Variants in AP3S1 observed in about 807,000 individuals in gnomAD.
AP3S1 encodes AP-3 complex subunit sigma-1.
A neutral mutation model predicts 21.3 loss-of-function variants in AP3S1; 12 were observed. The ratio of observed to expected loss-of-function variants is 0.56; its 90% CI spans 0.36 to 0.91. AP3S1 has a LOEUF of 0.91. Ranked by LOEUF, AP3S1 falls within the 40% of genes least tolerant of loss-of-function variation. The pLI is 0.01. For missense variants in AP3S1, 116 were observed against 225.0 expected (o/e 0.52, Z 3.10); for synonymous variants, 48 against 78.4 (o/e 0.61, Z 2.05).
At chr5:115,866,084 C>T (rs995541697) in intron 1 of AP3S1, among the ~76,000 whole-genome samples, 1 of 152,236 alleles carries the variant, frequency 6.6e-6, no homozygotes, top group Admixed American at 6.5e-5. Context: ...GCATGAGCCA[C>T]TGTGCCCGGC....
intron 1 of AP3S1, among the ~76,000 whole-genome samples, chr5:115,866,212 T>A (rs1763603932): frequency 6.6e-6 from 1 of 152,262 alleles, no homozygotes. Flanking sequence ...GATGGACTCT[T>A]ACCTCAGTCT....
intron 5 of AP3S1, among the ~76,000 whole-genome samples, chr5:115,905,309 T>C (rs1043915355): frequency 6.6e-6 from 1 of 152,222 alleles, no homozygotes; most frequent in Non-Finnish European, 1.5e-5. Context: ...GAAATAGTTA[T>C]AAGAATACTA....
chr5:115,868,653 G>A (rs252737), intron 2 of AP3S1, among the ~76,000 whole-genome samples: 37 of 152,060 alleles, frequency 2.4e-4, no homozygotes, highest in Non-Finnish European at 3.5e-4. Flanking sequence ...AGGCCTAGGC[G>A]TGCAGATCTC....
At chr5:115,877,076 A>G (rs1748786324) in intron 3 of AP3S1, among the ~76,000 whole-genome samples, 1 of 152,148 alleles carries the variant, frequency 6.6e-6, no homozygotes, top group Admixed American at 6.6e-5. Context: ...GATCATTCTT[A>G]CCTAAAAGAA....
At chr5:115,847,280 C>T (rs1176888729) in intron 1 of AP3S1, among the ~76,000 whole-genome samples, 3 of 152,124 alleles carry the variant, frequency 2.0e-5, no homozygotes, top group African/African-American at 7.2e-5. Context: ...GGTGGGTAGG[C>T]AAACAAGGGT....
intron 1 of AP3S1, among the ~76,000 whole-genome samples, chr5:115,845,269 C>T (rs1436311485): frequency 1.3e-5 from 2 of 152,166 alleles, no homozygotes; most frequent in African/African-American, 2.4e-5. Flanking sequence ...CAACAGTAAT[C>T]GTTTAACACT....
chr5:115,869,974 C>T lies in AP3S1; in HGVS notation c.162-43C>T, dbSNP rs375366698. ...TTTGCTTGAGCTAATGAAAATGATT[C>T]GCATTTTGTTTCCAATAACATTACA... On this transcript the variant is annotated intron_variant, in intron 2 of 5. Coordinates refer to ENST00000316788, the MANE Select transcript of AP3S1 (RefSeq NM_001284.4). The T allele has an allele frequency of 7.9e-4, 976 of 1,234,976 alleles. 10 individuals carry two copies. In the South Asian group the frequency reaches 1.0e-2, roughly 13 times the overall value. The allele number at this position is 1,234,976 out of a possible 1,614,324, so 76.5% of individuals were successfully genotyped here. A position where few individuals can be genotyped will look rare whatever the true frequency, so the allele number is the denominator to read the frequency against.
At chr5:115,851,949 A>G (rs1448036973) in intron 1 of AP3S1, among the ~76,000 whole-genome samples, 1 of 152,050 alleles carries the variant, frequency 6.6e-6, no homozygotes. Flanking sequence ...TAACCAATCA[A>G]TGTGGACTTC....
intron 1 of AP3S1, among the ~76,000 whole-genome samples, chr5:115,866,291 A>T (rs1763612769): frequency 6.6e-6 from 1 of 152,216 alleles, no homozygotes; most frequent in Non-Finnish European, 1.5e-5. Context: ...TCAAATATAG[A>T]TTAGCTACAC....
At chr5:115,892,569 C>T (rs1398593220) in intron 3 of AP3S1, among the ~76,000 whole-genome samples, 1 of 152,168 alleles carries the variant, frequency 6.6e-6, no homozygotes, top group African/African-American at 2.4e-5. Flanking sequence ...AGACAAACAT[C>T]ATATGTTCTC....
At chr5:115,863,595 T>G (rs1419294023) in intron 1 of AP3S1, among the ~76,000 whole-genome samples, 1 of 151,714 alleles carries the variant, frequency 6.6e-6, no homozygotes, top group Non-Finnish European at 1.5e-5. Flanking sequence ...AAAAAGAAAA[T>G]TCATGAATCT....
intron 3 of AP3S1, among the ~76,000 whole-genome samples, chr5:115,889,421 C>T (rs1424586339): frequency 6.6e-6 from 1 of 152,128 alleles, no homozygotes; most frequent in Non-Finnish European, 1.5e-5. Context: ...AAATTTGGTC[C>T]AAACATGAAG....
At chr5:115,862,473 G>GACGTGGTGCTATTCTCAGT (rs1306606044) in intron 1 of AP3S1, among the ~76,000 whole-genome samples, 1 of 152,128 alleles carries the variant, frequency 6.6e-6, no homozygotes, top group East Asian at 1.9e-4. Context: ...GTAGAGACTG[G>GACGTGGTGCTATTCTCAGT]ACGTGGTGCT....
At chr5:115,866,074 G>A (rs774568181) in intron 1 of AP3S1, among the ~76,000 whole-genome samples, 1 of 152,192 alleles carries the variant, frequency 6.6e-6, no homozygotes, top group Non-Finnish European at 1.5e-5. Flanking sequence ...GGGATTACAG[G>A]CATGAGCCAC....
At chr5:115,907,240 TCA>T (rs923150294) in intron 5 of AP3S1, among the ~76,000 whole-genome samples, 2 of 152,230 alleles carry the variant, frequency 1.3e-5, no homozygotes, top group African/African-American at 4.8e-5. Flanking sequence ...AATTTAACTC[TCA>T]CAGATTTGTT....
chr5:115,846,033 C>A (rs1422224760), intron 1 of AP3S1, among the ~76,000 whole-genome samples: 1 of 151,892 alleles, frequency 6.6e-6, no homozygotes, highest in Non-Finnish European at 1.5e-5. Flanking sequence ...TTAATACTTA[C>A]CTGACAGTAT....
chr5:115,861,607 T>A (rs1195826975), intron 1 of AP3S1, among the ~76,000 whole-genome samples: 1 of 152,152 alleles, frequency 6.6e-6, no homozygotes, highest in Non-Finnish European at 1.5e-5. Flanking sequence ...CAGACTGGAT[T>A]GTGGTGGCAT....
intron 5 of AP3S1, chr5:115,909,056 C>T: frequency 2.5e-6 from 2 of 803,970 alleles, no homozygotes; most frequent in Non-Finnish European, 3.0e-6. Context: ...CAGTTTGTTC[C>T]AACTACCATC....
chr5:115,870,460 C>G (rs1195501976), intron 3 of AP3S1, among the ~76,000 whole-genome samples: 1 of 152,134 alleles, frequency 6.6e-6, no homozygotes, highest in African/African-American at 2.4e-5. Flanking sequence ...TCATAATGTC[C>G]CTGGAACTCA....
Sources: gnomAD v4.1 joint callset for allele counts (sites outside exome capture counted in the v4.1 genomes callset) on GRCh38, gnomAD v4.1.1 for gene constraint, MANE v1.5 for transcripts, NCBI Gene and HGNC (gene_info 2026-07-23, HGNC 2026-07-21) for gene names.